Variants in TOP3B observed in about 807,000 individuals in gnomAD.
TOP3B encodes DNA topoisomerase III beta, also known as DNA topoisomerase 3-beta-1.
Under a neutral mutation model 93.9 loss-of-function variants are expected in TOP3B, and 45 were observed. That is an observed-to-expected ratio of 0.48 (90% CI 0.38 to 0.61). TOP3B has a LOEUF of 0.61. TOP3B is among the 20% of genes least tolerant of loss of function. The pLI is 0.00. For synonymous variants in TOP3B, 357 were observed against 472.6 expected (o/e 0.76, Z 3.17); for missense variants, 750 against 1,156.1 (o/e 0.65, Z 5.09).
rs115663049 is a variant in TOP3B, at chr22:21,963,972, G to A, written c.1155C>T (p.Gly385=). The A allele has an allele frequency of 2.1e-4, 346 of 1,612,892 alleles. 1 individual carries two copies. The African/African-American group carries it at 4.1e-3, about 19-fold the overall frequency. Residue 385 remains glycine (G), a synonymous_variant, in exon 11 of 18, where the codon GGC becomes GGT. Transcript: ENST00000357179. This position sits in a 1 kb window ranked among gnomAD's most constrained non-coding sequence, Gnocchi z 4.8. ...INRPRKGHDA[G]DHPPITPMKS... ...TCATGGGGGTGATGGGGGGATGGTCGCCGGCGTCATGGCCTTTCCGCGGGC... is the reference window on the plus strand; with the variant it reads ...TCATGGGGGTGATGGGGGGATGGTCACCGGCGTCATGGCCTTTCCGCGGGC...
chr22:21,970,866 A>AAAGAATGAAGGGGAAAGGAAAT lies in TOP3B; in HGVS notation c.385-482_385-461dup, dbSNP rs2071609008. 3.9e-6 allele frequency: 2 copies of AAAGAATGAAGGGGAAAGGAAAT among 509,174 alleles called. No individual in the cohort carries two copies. Among genetic ancestry groups the AAAGAATGAAGGGGAAAGGAAAT allele is most frequent in the African/African-American group, 4.0e-5 (2 of 49,722 alleles). 31.5% of individuals were successfully genotyped at this position (509,174 alleles called of 1,614,324 possible). Reference sequence around the variant, plus strand: ...GCTGAAGAAAAGACAGGGAAGGAAAAAAGAATGAAGGGGAAAGGAAATGGG... The same window carrying AAAGAATGAAGGGGAAAGGAAAT: ...GCTGAAGAAAAGACAGGGAAGGAAAAAAGAATGAAGGGGAAAGGAAATAAGAATGAAGGGGAAAGGAAATGGG... On this transcript the variant is annotated intron_variant, in intron 5 of 17. Coordinates refer to ENST00000357179, the MANE Select transcript of TOP3B (RefSeq NM_001282112.2). The surrounding 1 kb of genome is among the most constrained non-coding windows in gnomAD (Gnocchi z 4.4).
chr22:21,967,576 T>G (rs1365712027), intron 8 of TOP3B, 27 bp downstream of exon 8: 6 of 1,592,248 alleles, frequency 3.8e-6, no homozygotes, highest in Non-Finnish European at 5.2e-6. Context: ...AAGGCAACTG[T>G]GATAGATGTG....
chr22:21,970,685 C>T lies in TOP3B; in HGVS notation c.385-279G>A. On this transcript the variant is annotated intron_variant, in intron 5 of 17. Transcript: ENST00000357179. This position sits in a 1 kb window ranked among gnomAD's most constrained non-coding sequence, Gnocchi z 4.4. ...TCGAACACTCCCTTCTTACTCCCGC[C>T]CTCTCTTCTAATCCTCTGCTTTCAT... 2.1e-6 allele frequency: 1 copy of T among 480,406 alleles called. No individual in the cohort carries two copies. The highest frequency in any genetic ancestry group is 3.8e-6 in the Non-Finnish European group (1 of 260,876). 29.8% of individuals were successfully genotyped at this position (480,406 alleles called of 1,614,324 possible).
chr22:21,958,435 T>C (rs1446759216), intron 17 of TOP3B, 57 bp downstream of exon 17: 12 of 1,611,142 alleles, frequency 7.4e-6, no homozygotes, highest in Middle Eastern at 1.8e-4. Context: ...AAGGCAGGGG[T>C]TGGCACTGAA....
At chr22:21,981,062 C>T (rs2084620810) in intron 1 of TOP3B, among the ~76,000 whole-genome samples, 2 of 152,230 alleles carry the variant, frequency 1.3e-5, no homozygotes, top group Admixed American at 1.3e-4. Context: ...GGAAAACTCG[C>T]AGCAGAGGGG....
At chr22:21,972,898 C>A (rs2071701839) in intron 3 of TOP3B, 180 bp from the exon 4 acceptor site, 5 of 603,490 alleles carry the variant, frequency 8.3e-6, no homozygotes, top group Admixed American at 8.1e-5. Context: ...CCTTTGGTAA[C>A]CCCCTCCCAT....
Position 21,967,527 on chromosome 22 carries a change from G to A in TOP3B, c.852+76C>T, listed in dbSNP as rs973676687. 3.6e-6 allele frequency: 4 copies of A among 1,111,198 alleles called. No homozygotes were observed. In the African/African-American group the frequency reaches 4.6e-5, roughly 13 times the overall value. 68.8% of individuals were successfully genotyped at this position (1,111,198 alleles called of 1,614,324 possible). A position where few individuals can be genotyped will look rare whatever the true frequency, so the allele number is the denominator to read the frequency against. ...AAGACGTGGACTAGGATCACAGGCTGTTCCTCCAGCGGGAGGCATCCAAGG... is the reference window on the plus strand; with the variant it reads ...AAGACGTGGACTAGGATCACAGGCTATTCCTCCAGCGGGAGGCATCCAAGG... On this transcript the variant is annotated intron_variant, in intron 8 of 17. Transcript: ENST00000357179.
Position 21,977,077 on chromosome 22 carries a change from G to A in TOP3B, c.-98-1270C>T, listed in dbSNP as rs181365412. ...TATAGTGTCAGCCACTCAGGAGGCT[G>A]AGGCAAGAGGATCGCTTGCTTGAGG... On this transcript the variant is annotated intron_variant, in intron 1 of 17. Coordinates refer to ENST00000357179, the MANE Select transcript of TOP3B (RefSeq NM_001282112.2). The A allele has an allele frequency of 2.6e-5, 4 of 152,338 alleles. No homozygotes were observed. The East Asian group carries it at 5.8e-4, about 22-fold the overall frequency. 9.4% of individuals were successfully genotyped at this position (152,338 alleles called of 1,614,324 possible). A position where few individuals can be genotyped will look rare whatever the true frequency, so the allele number is the denominator to read the frequency against.
In TOP3B at chr22:21,959,249, T is replaced by G; in HGVS notation, c.1805-17A>C. On this transcript the variant is annotated splice_polypyrimidine_tract_variant and intron_variant, in intron 15 of 17. Coordinates refer to ENST00000357179, the MANE Select transcript of TOP3B (RefSeq NM_001282112.2). Reference sequence around the variant, plus strand: ...CATCCATGCCTGCGGGCAAGCAGAGTGCAGGAGTCATCTCCCTCCCAGTCC... The same window carrying G: ...CATCCATGCCTGCGGGCAAGCAGAGGGCAGGAGTCATCTCCCTCCCAGTCC... 1 of 1,610,666 alleles carries G rather than the reference T, an allele frequency of 6.2e-7. No individual in the cohort carries two copies. The highest frequency in any genetic ancestry group is 8.5e-7 in the Non-Finnish European group (1 of 1,179,756).
intron 7 of TOP3B, chr22:21,968,390 G>T: frequency 1.8e-6 from 1 of 547,482 alleles, no homozygotes; most frequent in Non-Finnish European, 3.2e-6. Flanking sequence ...TGCCAGAGCT[G>T]AACTCATTCC....
chr22:21,967,312 G>A (rs759180146), intron 8 of TOP3B: 5 of 367,204 alleles, frequency 1.4e-5, no homozygotes, highest in Non-Finnish European at 2.0e-5. Flanking sequence ...CGGAGGTAAT[G>A]CCTAGCGGGT....
At chr22:21,965,015 C>T (rs906855936) in intron 9 of TOP3B, 4 of 333,434 alleles carry the variant, frequency 1.2e-5, no homozygotes, top group African/African-American at 2.1e-5. Flanking sequence ...GGCTGAGGGG[C>T]GACGTTCACA....
At chr22:21,974,294 A>C in intron 3 of TOP3B, 63 bp downstream of exon 3, 1 of 1,562,138 alleles carries the variant, frequency 6.4e-7, no homozygotes, top group Non-Finnish European at 8.7e-7. Context: ...CCTGGCTTCA[A>C]CTGGACCCTG....
Position 21,959,382 on chromosome 22 carries a change from G to A in TOP3B, c.1805-150C>T, listed in dbSNP as rs146023535. The A allele has an allele frequency of 2.4e-3, 3,623 of 1,484,248 alleles. 6 individuals are homozygous for A. Among genetic ancestry groups the A allele is most frequent in the Non-Finnish European group, 3.0e-3 (3,367 of 1,122,588 alleles). 91.9% of individuals were successfully genotyped at this position (1,484,248 alleles called of 1,614,324 possible). A position where few individuals can be genotyped will look rare whatever the true frequency, so the allele number is the denominator to read the frequency against. ...GCACGGCAGGGCAGCAGCCCTGTGC[G>A]TCAGAGGCACGTGTTCCTGGCCATG... On this transcript the variant is annotated intron_variant, in intron 15 of 17. Transcript: ENST00000357179.
rs1372482038 is a variant in TOP3B at position 21,977,168 on chromosome 22, C to G, written c.-98-1361G>C. On this transcript the variant is annotated intron_variant, in intron 1 of 17. Transcript: ENST00000357179. ...GGATAGAACAGCCACTTCACTCCAG[C>G]CTAGGTGACAGCAAGACCCTGTCTC... 2.0e-5 allele frequency: 3 copies of G among 152,024 alleles called. No homozygotes were observed. The East Asian group carries it at 5.8e-4, about 29-fold the overall frequency. 9.4% of individuals were successfully genotyped at this position (152,024 alleles called of 1,614,324 possible).
At chr22:21,966,744 T>G (rs532659491) in intron 8 of TOP3B, 4 of 152,334 alleles carry the variant, frequency 2.6e-5, no homozygotes, top group African/African-American at 9.6e-5. Flanking sequence ...CCACGTAGGC[T>G]GGTCAGGGCA....
intron 6 of TOP3B, chr22:21,969,930 ATTTT>A (rs56123700): frequency 2.1e-3 from 364 of 176,890 alleles, no homozygotes; most frequent in East Asian, 3.6e-3. Context: ...CAAAAAAATA[ATTTT>A]TTTTTTTTTT....
chr22:21,970,698 C>T lies in TOP3B; in HGVS notation c.385-292G>A, dbSNP rs1020683042. On this transcript the variant is annotated intron_variant, in intron 5 of 17. Transcript: ENST00000357179. The surrounding 1 kb of genome is among the most constrained non-coding windows in gnomAD (Gnocchi z 4.4). ...TCTTACTCCCGCCCTCTCTTCTAAT[C>T]CTCTGCTTTCATCCCCACCAAATCA... The T allele has an allele frequency of 4.5e-6, 2 of 441,012 alleles. No individual in the cohort carries two copies. The highest frequency in any genetic ancestry group is 2.0e-5 in the African/African-American group (1 of 50,808). The allele number at this position is 441,012 out of a possible 1,614,324, so 27.3% of individuals were successfully genotyped here.
chr22:21,975,477 T>A (rs961035342), intron 2 of TOP3B, 163 bp downstream of exon 2: 35 of 705,946 alleles, frequency 5.0e-5, no homozygotes, highest in African/African-American at 3.7e-5. Flanking sequence ...TTGCCAGGAG[T>A]GGAAGCAAAT....
Sources: allele counts gnomAD v4.1 joint callset (sites outside exome capture counted in the v4.1 genomes callset), GRCh38; gene constraint gnomAD v4.1.1; non-coding constraint Gnocchi (gnomAD v3.1); transcripts MANE v1.5; gene names NCBI Gene and HGNC (gene_info 2026-07-23, HGNC 2026-07-21).